The following TXNDC5 variants were observed in gnomAD, a reference collection of about 807,000 sequenced individuals.
TXNDC5 encodes the protein thioredoxin domain containing 5, also known as thioredoxin domain-containing protein 5.
In TXNDC5, 44 loss-of-function variants were observed where a neutral mutation model predicts 52.6. The ratio of observed to expected loss-of-function variants is 0.84; its 90% CI spans 0.66 to 1.08. TXNDC5 has a LOEUF of 1.08. Ranked by LOEUF, TXNDC5 falls within the 50% of genes least tolerant of loss-of-function variation. TXNDC5 has a pLI of 0.00. For synonymous variants in TXNDC5, 241 were observed against 234.4 expected, an observed-to-expected ratio of 1.03 and a Z score of -0.26; for missense variants, 600 against 565.5, an observed-to-expected ratio of 1.06 and a Z score of -0.62.
At chr6:7,908,188 CA>C (rs1488734673) in intron 1 of TXNDC5, among the ~76,000 whole-genome samples, 1 of 146,576 alleles carries the variant, frequency 6.8e-6, no homozygotes, top group African/African-American at 2.5e-5. Context: ...GAGGCTGAGG[CA>C]GGAGAATCGC....
At chr6:7,904,426 G>A in intron 2 of TXNDC5, 148 bp downstream of exon 2, 1 of 1,030,388 alleles carries the variant, frequency 9.7e-7, no homozygotes, top group Non-Finnish European at 1.4e-6. Flanking sequence ...ATCTAAAACA[G>A]ACACAGCATT....
At chr6:7,889,629 T>A in intron 5 of TXNDC5, 48 bp from the exon 6 acceptor site, 1 of 1,444,584 alleles carries the variant, frequency 6.9e-7, no homozygotes. Flanking sequence ...TTCATGAACC[T>A]TCTTGCTAAT....
intron 4 of TXNDC5, among the ~76,000 whole-genome samples, chr6:7,894,029 C>T (rs1760287969): frequency 6.6e-6 from 1 of 151,614 alleles, no homozygotes; most frequent in South Asian, 2.1e-4. Context: ...AGACCATTTG[C>T]AAAAAATGGG....
At chr6:7,888,662 C>T (rs1760084836) in intron 7 of TXNDC5, 43 bp downstream of exon 7, 1 of 1,572,658 alleles carries the variant, frequency 6.4e-7, no homozygotes, top group East Asian at 2.3e-5. Flanking sequence ...GGGCCGGGGG[C>T]CACGGGCCAC....
intron 3 of TXNDC5, among the ~76,000 whole-genome samples, chr6:7,897,551 T>C (rs553609532): frequency 3.4e-4 from 52 of 152,310 alleles, no homozygotes; most frequent in African/African-American, 9.4e-4. Flanking sequence ...CACTAAAATA[T>C]GGCAAGTTGG....
chr6:7,906,926 G>C (rs943644888), intron 1 of TXNDC5, among the ~76,000 whole-genome samples: 3 of 152,184 alleles, frequency 2.0e-5, no homozygotes, highest in Non-Finnish European at 4.4e-5. Context: ...GCACAGGTTT[G>C]AGAACTAGTC....
intron 4 of TXNDC5, chr6:7,894,896 C>T (rs1581317880): frequency 7.1e-6 from 7 of 985,292 alleles, no homozygotes; most frequent in African/African-American, 1.7e-5. Flanking sequence ...GCATTAGACT[C>T]GGCGTTTCTA....
intron 9 of TXNDC5, 86 bp downstream of exon 9, chr6:7,884,273 G>C: frequency 6.4e-7 from 1 of 1,551,342 alleles, no homozygotes; most frequent in East Asian, 2.3e-5. Context: ...GATGAGAGCA[G>C]AGTGAGTTAT....
intron 4 of TXNDC5, among the ~76,000 whole-genome samples, chr6:7,892,675 C>T (rs535094097): frequency 2.6e-5 from 4 of 152,070 alleles, no homozygotes; most frequent in South Asian, 2.1e-4. Flanking sequence ...GTTTTAAAAA[C>T]GGGAGTTTCC....
rs1319482176 is a variant in TXNDC5, at chr6:7,883,059, T to G, written c.*85A>C. ...GTTCTGCTTTCTGAACAGCCACCACTGGGAACCCAGTGGCCTCTGTGGGAC... is the reference window on the plus strand; with the variant it reads ...GTTCTGCTTTCTGAACAGCCACCACGGGGAACCCAGTGGCCTCTGTGGGAC... On this transcript the variant is annotated 3_prime_UTR_variant, in exon 10 of 10. Transcript: ENST00000379757. 3.8e-6 allele frequency: 6 copies of G among 1,590,880 alleles called. No homozygotes were observed. Among genetic ancestry groups the G allele is most frequent in the Non-Finnish European group, 5.2e-6 (6 of 1,164,322 alleles).
rs139130947 is a variant in TXNDC5, at chr6:7,889,548, C to T, written c.766G>A (p.Gly256Arg). The stretch of plus-strand genomic sequence containing the variant: ...GTGGGATAGCCACGAACCTGGTTTC[C>T]GGAGCAGAGTTCATAGTGCTGTGTA... Reference protein sequence around the residue: ...DCTQHYELCSGNQVRGYPTLL... With the variant: ...DCTQHYELCSRNQVRGYPTLL... The change falls in exon 6 of 10, where the codon GGA becomes AGA. Residue 256 changes from glycine to arginine, a missense_variant. By Grantham distance (125) the Gly-to-Arg change is moderately radical (BLOSUM62 -2). Coordinates refer to ENST00000379757, the MANE Select transcript of TXNDC5 (RefSeq NM_030810.5). 31 of 1,613,472 alleles carry T rather than the reference C, an allele frequency of 1.9e-5. No homozygotes were observed. In the African/African-American group the frequency reaches 2.9e-4, roughly 15 times the overall value.
chr6:7,900,517 G>A (rs772642197), intron 2 of TXNDC5, among the ~76,000 whole-genome samples: 7 of 152,194 alleles, frequency 4.6e-5, no homozygotes, highest in Non-Finnish European at 7.3e-5. Context: ...CTTCTACAGC[G>A]CGTATGTGGA....
chr6:7,888,189 G>A (rs1274276577), intron 7 of TXNDC5, among the ~76,000 whole-genome samples: 2 of 152,210 alleles, frequency 1.3e-5, no homozygotes, highest in African/African-American at 4.8e-5. Context: ...GTGAAGGAAG[G>A]AAGCCCCTCA....
intron 4 of TXNDC5, 73 bp downstream of exon 4, chr6:7,895,033 C>G: frequency 6.5e-7 from 1 of 1,537,146 alleles, no homozygotes; most frequent in Non-Finnish European, 8.8e-7. Context: ...CCTTGAGTAG[C>G]AGGAAGGAAA....
chr6:7,889,433 G>A, intron 6 of TXNDC5, 62 bp downstream of exon 6: 2 of 1,488,556 alleles, frequency 1.3e-6, no homozygotes, highest in South Asian at 1.2e-5. Flanking sequence ...AAACCACTCA[G>A]TAGCTCAGCC....
At chr6:7,901,443 T>C (rs1760564104) in intron 2 of TXNDC5, among the ~76,000 whole-genome samples, 1 of 152,206 alleles carries the variant, frequency 6.6e-6, no homozygotes, top group Admixed American at 6.5e-5. Context: ...AGACCTAGCC[T>C]ATGATTTTTT....
rs1581323641 is a variant in TXNDC5, at chr6:7,899,737, G to A, written c.414-56C>T. 1.4e-5 allele frequency: 20 copies of A among 1,430,980 alleles called. No homozygotes were observed. The South Asian group carries it at 2.3e-4, about 16-fold the overall frequency. 88.6% of individuals were successfully genotyped at this position (1,430,980 alleles called of 1,614,324 possible). ...AAAAAGAAAGTTGTCTTATCAGAGA[G>A]CAAACTCATTTAGTGAAACAATCAG... On this transcript the variant is annotated intron_variant, in intron 2 of 9. Transcript: ENST00000379757.
In TXNDC5 at chr6:7,883,218, T is replaced by G. The variant is rs746666949; in HGVS notation, c.1225A>C (p.Ser409Arg). The G allele has an allele frequency of 1.2e-6, 2 of 1,614,070 alleles. No homozygotes were observed. Among genetic ancestry groups the G allele is most frequent in the Admixed American group, 1.7e-5 (1 of 60,004 alleles). The change falls in exon 10 of 10, where the codon AGT becomes CGT. Residue 409 changes from serine (S) to arginine (R), a missense_variant. Transcript: ENST00000379757. ...AGGTCTCTGCCTCCACTGTGCTCACTGACTTTCTTCCCTCCTCGGAAAAGC... is the reference window on the plus strand; with the variant it reads ...AGGTCTCTGCCTCCACTGTGCTCACGGACTTTCTTCCCTCCTCGGAAAAGC... Reference protein sequence around the residue: ...LLLFRGGKKVSEHSGGRDLDS... With the variant: ...LLLFRGGKKVREHSGGRDLDS...
rs147130667 is a variant in TXNDC5, at chr6:7,907,021, G to A, written c.264-2298C>T. ...TGGGGACTGACTGACTGACTGGGGCGGTGTCCAACAAGGCACCTTCCTAAG... is the reference window on the plus strand; with the variant it reads ...TGGGGACTGACTGACTGACTGGGGCAGTGTCCAACAAGGCACCTTCCTAAG... On this transcript the variant is annotated intron_variant, in intron 1 of 9. Transcript: ENST00000379757. Among the ~76,000 whole-genome samples, 61 of 152,286 alleles carry A rather than the reference G, an allele frequency of 4.0e-4. 2 individuals are homozygous for A. The East Asian group carries it at 0.011, about 26-fold the overall frequency.
Sources: allele counts gnomAD v4.1 joint callset (sites outside exome capture counted in the v4.1 genomes callset), GRCh38; gene constraint gnomAD v4.1.1; transcripts MANE v1.5; gene names NCBI Gene and HGNC (gene_info 2026-07-23, HGNC 2026-07-21).